Variants in TTLL1 observed in about 807,000 individuals in gnomAD.
The protein encoded by TTLL1 is TTL family tubulin polyglutamylase complex subunit L1.
In TTLL1, 33 loss-of-function variants were observed where a neutral mutation model predicts 47.8. The observed-to-expected ratio is 0.69, with a 90% CI of 0.52 to 0.92. The LOEUF (loss-of-function observed/expected upper bound fraction) is 0.92. TTLL1 is among the 40% of genes least tolerant of loss of function. The pLI, the probability that TTLL1 is intolerant of heterozygous loss-of-function variation, is 0.00. For synonymous variants in TTLL1, 225 were observed against 214.1 expected (o/e 1.05, Z -0.45); for missense variants, 488 against 547.5 (o/e 0.89, Z 1.08).
intron 1 of TTLL1, among the ~76,000 whole-genome samples, chr22:43,080,935 T>TTTTTTTTTTTTTTG: frequency 7.4e-6 from 1 of 136,034 alleles, no homozygotes; most frequent in Non-Finnish European, 1.5e-5. Context: ...TTTTTTTTTT[T>TTTTTTTTTTTTTTG]AGACAAAGTC....
At chr22:43,047,000 TACCGTCAGAGC>T (rs1400639679) in intron 9 of TTLL1, among the ~76,000 whole-genome samples, 2 of 152,194 alleles carry the variant, frequency 1.3e-5, no homozygotes, top group African/African-American at 4.8e-5. Flanking sequence ...TACTATCTAA[TACCGTCAGAGC>T]ACCTTGGATA....
chr22:43,059,278 G>A (rs1159639608), intron 8 of TTLL1, 106 bp downstream of exon 8: 3 of 1,466,588 alleles, frequency 2.0e-6, no homozygotes, highest in Non-Finnish European at 2.7e-6. Context: ...ACAGGCGTGA[G>A]CCGCCGCGCA....
chr22:43,064,242 C>T lies in TTLL1; in HGVS notation c.586G>A (p.Asp196Asn), dbSNP rs1326046656. The part of the protein sequence containing the change: ...NPLLIGGRKF[D>N]LRLYVLVSTY... Reference sequence around the variant, plus strand: ...GACACCAGAACGTACAAGCGCAGGTCGAACTTCCTCCCGCCAATTAGTAAC... The same window carrying T: ...GACACCAGAACGTACAAGCGCAGGTTGAACTTCCTCCCGCCAATTAGTAAC... Residue 196 changes from aspartate (D) to asparagine (N), a missense_variant, in exon 6 of 11, where the codon GAC becomes AAC. Transcript: ENST00000266254. 6 of 1,614,074 alleles carry T rather than the reference C, an allele frequency of 3.7e-6. No individual in the cohort carries two copies. The highest frequency in any genetic ancestry group is 2.2e-5 in the South Asian group (2 of 91,074).
At chr22:43,053,819 T>C (rs991217945) in intron 8 of TTLL1, among the ~76,000 whole-genome samples, 1 of 152,218 alleles carries the variant, frequency 6.6e-6, no homozygotes, top group African/African-American at 2.4e-5. Context: ...AAGGAGTCGT[T>C]CAGAGGCACC....
chr22:43,051,306 C>A (rs552165685), intron 9 of TTLL1, among the ~76,000 whole-genome samples: 1 of 152,254 alleles, frequency 6.6e-6, no homozygotes, highest in Admixed American at 6.5e-5. Context: ...AGATAGCCAA[C>A]ACGACATCCT....
Position 43,058,333 on chromosome 22 carries a change from C to T in TTLL1, c.891+1051G>A, listed in dbSNP as rs574754470. Reference sequence around the variant, plus strand: ...AAACAGATGTGCACCTGCTTTAACACGGTAAAACAAAACACGAATGCCAAC... The same window carrying T: ...AAACAGATGTGCACCTGCTTTAACATGGTAAAACAAAACACGAATGCCAAC... On this transcript the variant is annotated intron_variant, in intron 8 of 10. Coordinates refer to ENST00000266254, the MANE Select transcript of TTLL1 (RefSeq NM_012263.5). Among the ~76,000 whole-genome samples the T allele has an allele frequency of 9.7e-4, 148 of 152,176 alleles. 1 individual carries two copies. Among genetic ancestry groups the T allele is most frequent in the Non-Finnish European group, 1.7e-3 (116 of 68,000 alleles).
At chr22:43,056,954 G>A (rs35793811) in intron 8 of TTLL1, among the ~76,000 whole-genome samples, 36,493 of 151,944 alleles carry the variant, frequency 0.24, 5,161 homozygotes, top group Middle Eastern at 0.38. Flanking sequence ...CACCACGCCC[G>A]GCTAATTTAT....
At chr22:43,074,993 C>A (rs939450435) in intron 3 of TTLL1, among the ~76,000 whole-genome samples, 7 of 152,072 alleles carry the variant, frequency 4.6e-5, no homozygotes, top group Non-Finnish European at 8.8e-5. Flanking sequence ...ATGGTGAAAC[C>A]CCGTCTCTAC....
intron 1 of TTLL1, among the ~76,000 whole-genome samples, chr22:43,081,846 CTTTT>C (rs58743481): frequency 1.8e-4 from 10 of 56,418 alleles, no homozygotes; most frequent in Admixed American, 7.5e-4. Flanking sequence ...CACACCTGGC[CTTTT>C]TTTTTTTTTT....
At chr22:43,088,242 C>T (rs1479359610) in intron 1 of TTLL1, among the ~76,000 whole-genome samples, 3 of 151,904 alleles carry the variant, frequency 2.0e-5, no homozygotes, top group Non-Finnish European at 4.4e-5. Flanking sequence ...TGTCCATCTC[C>T]ACGCCCGCAC....
intron 3 of TTLL1, among the ~76,000 whole-genome samples, chr22:43,071,508 C>T (rs529622212): frequency 1.3e-5 from 2 of 152,250 alleles, no homozygotes; most frequent in South Asian, 2.1e-4. Flanking sequence ...CTCGCAGGTT[C>T]GAGCCATTCT....
At chr22:43,042,004 T>G (rs967046057) in intron 10 of TTLL1, among the ~76,000 whole-genome samples, 3 of 151,548 alleles carry the variant, frequency 2.0e-5, no homozygotes, top group Non-Finnish European at 2.9e-5. Context: ...TCTGCCTGGG[T>G]GGGGGGGGTC....
intron 10 of TTLL1, among the ~76,000 whole-genome samples, chr22:43,044,024 G>A (rs1362151749): frequency 6.6e-6 from 1 of 151,928 alleles, no homozygotes. Flanking sequence ...TCCATGGCAA[G>A]TGCTCACTCC....
intron 2 of TTLL1, among the ~76,000 whole-genome samples, chr22:43,076,526 C>A (rs1022796738): frequency 6.6e-6 from 1 of 151,252 alleles, no homozygotes; most frequent in Non-Finnish European, 1.5e-5. Context: ...CCAAGGTGGG[C>A]AGATCATGAG....
chr22:43,059,323 C>A, intron 8 of TTLL1, 61 bp downstream of exon 8: 1 of 1,554,910 alleles, frequency 6.4e-7, no homozygotes, highest in African/African-American at 1.4e-5. Context: ...AGAAAGACAG[C>A]AAGCCCCCCC....
rs1928004850 is a variant in TTLL1 at position 43,069,901 on chromosome 22, T to G, written c.114-57A>C. 4 of 1,594,366 alleles carry G rather than the reference T, an allele frequency of 2.5e-6. No homozygotes were observed. The African/African-American group carries it at 5.4e-5, about 21-fold the overall frequency. On this transcript the variant is annotated intron_variant, in intron 3 of 10. Coordinates refer to ENST00000266254, the MANE Select transcript of TTLL1 (RefSeq NM_012263.5). ...AGTGATGTCTGTGTGGCAGAAGTCCTTTGTTCCCGTCCCCGCAAACACCCT... is the reference window on the plus strand; with the variant it reads ...AGTGATGTCTGTGTGGCAGAAGTCCGTTGTTCCCGTCCCCGCAAACACCCT...
At chr22:43,055,246 A>G (rs1262791757) in intron 8 of TTLL1, among the ~76,000 whole-genome samples, 2 of 144,940 alleles carry the variant, frequency 1.4e-5, no homozygotes, top group African/African-American at 5.2e-5. Context: ...CTGGTCTTCA[A>G]CTCCTGGCCT....
At chr22:43,069,302 G>A (rs1569436802) in intron 4 of TTLL1, among the ~76,000 whole-genome samples, 1 of 147,924 alleles carries the variant, frequency 6.8e-6, no homozygotes, top group Non-Finnish European at 1.5e-5. Flanking sequence ...TGAGGCAGGA[G>A]AATTGCTTGA....
chr22:43,087,229 A>G (rs1041242479), intron 1 of TTLL1, among the ~76,000 whole-genome samples: 1 of 152,194 alleles, frequency 6.6e-6, no homozygotes, highest in Non-Finnish European at 1.5e-5. Context: ...TGCTACTCAA[A>G]GCATGGCCCA....
Sources: gnomAD v4.1 joint callset for allele counts (sites outside exome capture counted in the v4.1 genomes callset) on GRCh38, gnomAD v4.1.1 for gene constraint, MANE v1.5 for transcripts, NCBI Gene and HGNC (gene_info 2026-07-23, HGNC 2026-07-21) for gene names.